ZBTB20: variants seen among roughly 807,000 people sequenced by gnomAD.
ZBTB20 encodes the protein zinc finger and BTB domain containing 20, also known as zinc finger and BTB domain-containing protein 20.
In ZBTB20, 9 loss-of-function variants were observed where a neutral mutation model predicts 56.9. The ratio of observed to expected loss-of-function variants is 0.16; its 90% CI spans 0.10 to 0.28. ZBTB20 has a LOEUF of 0.28. ZBTB20 is among the 10% of genes least tolerant of loss of function. The pLI is 1.00. For synonymous variants in ZBTB20, 417 were observed against 420.7 expected (o/e 0.99, Z 0.11); for missense variants, 655 against 1,003.0 (o/e 0.65, Z 4.69).
At chr3:114,761,909 T>C (rs2068473088) in intron 5 of ZBTB20, among the ~76,000 whole-genome samples, 3 of 151,868 alleles carry the variant, frequency 2.0e-5, no homozygotes, top group South Asian at 2.1e-4. Context: ...CCAGAATAGG[T>C]GTAAAATATA....
At chr3:114,884,552 G>T (rs1471966790) in intron 4 of ZBTB20, among the ~76,000 whole-genome samples, 2 of 152,124 alleles carry the variant, frequency 1.3e-5, no homozygotes, top group Non-Finnish European at 2.9e-5. Flanking sequence ...TTCAATCAAA[G>T]ATCATCAGTT....
chr3:114,957,627 T>A (rs2077292607), intron 3 of ZBTB20, among the ~76,000 whole-genome samples: 1 of 152,218 alleles, frequency 6.6e-6, no homozygotes, highest in South Asian at 2.1e-4. Flanking sequence ...CATGGCAGGA[T>A]TTAACATCAT....
chr3:114,743,984 G>A (rs749787485), intron 5 of ZBTB20, among the ~76,000 whole-genome samples: 1 of 152,170 alleles, frequency 6.6e-6, no homozygotes, highest in Non-Finnish European at 1.5e-5. Flanking sequence ...TTAGCTTGGA[G>A]TCAAAGAGAA....
intron 5 of ZBTB20, among the ~76,000 whole-genome samples, chr3:114,775,616 T>A (rs975099145): frequency 9.2e-5 from 14 of 152,072 alleles, no homozygotes; most frequent in Non-Finnish European, 1.2e-4. Context: ...GAGGACCCTC[T>A]GGGCTGCACA....
At chr3:114,930,489 T>C (rs958079539) in intron 3 of ZBTB20, 3 of 153,354 alleles carry the variant, frequency 2.0e-5, no homozygotes, top group African/African-American at 7.2e-5. Context: ...CCCGGCCTAG[T>C]TACAGTCACC....
intron 6 of ZBTB20, among the ~76,000 whole-genome samples, chr3:114,653,107 C>T (rs1174343128): frequency 6.6e-6 from 1 of 151,896 alleles, no homozygotes; most frequent in African/African-American, 2.4e-5. Flanking sequence ...TCTTCCTTTC[C>T]TATGCTTATA....
chr3:115,103,399 A>T (rs1307573429), intron 1 of ZBTB20, among the ~76,000 whole-genome samples: 1 of 152,206 alleles, frequency 6.6e-6, no homozygotes, highest in African/African-American at 2.4e-5. Context: ...CCAACATAAT[A>T]TTGAAAGAGA....
At chr3:114,439,722 G>C (rs1483806376) in intron 7 of ZBTB20, among the ~76,000 whole-genome samples, 1 of 152,112 alleles carries the variant, frequency 6.6e-6, no homozygotes, top group Non-Finnish European at 1.5e-5. Flanking sequence ...AGATGCCTAG[G>C]ATGTCTGTAC....
At chr3:114,477,669 A>T (rs1000028852) in intron 7 of ZBTB20, among the ~76,000 whole-genome samples, 5 of 151,258 alleles carry the variant, frequency 3.3e-5, no homozygotes, top group Non-Finnish European at 7.4e-5. Flanking sequence ...CTAATTTTGT[A>T]TTTTTAGTAG....
chr3:114,399,267 C>T (rs978001395), intron 7 of ZBTB20, among the ~76,000 whole-genome samples: 2 of 151,978 alleles, frequency 1.3e-5, no homozygotes, highest in South Asian at 2.1e-4. Context: ...TAGAGTATAA[C>T]CTGTGGAGTA....
chr3:114,452,694 T>C (rs1224144730), intron 7 of ZBTB20, among the ~76,000 whole-genome samples: 1 of 152,112 alleles, frequency 6.6e-6, no homozygotes, highest in East Asian at 1.9e-4. Context: ...ATATCTATAT[T>C]TTCCCCTACA....
intron 3 of ZBTB20, among the ~76,000 whole-genome samples, chr3:114,946,362 A>G (rs2107881601): frequency 6.9e-6 from 1 of 145,926 alleles, no homozygotes; most frequent in East Asian, 1.9e-4. Flanking sequence ...ACAAATAAGT[A>G]TTATAAAATA....
chr3:115,073,096 A>C (rs868491974), intron 1 of ZBTB20, among the ~76,000 whole-genome samples: 108 of 152,328 alleles, frequency 7.1e-4, no homozygotes, highest in Middle Eastern at 3.4e-3. Context: ...AAGAAACTGA[A>C]ATGAGAACTG....
chr3:114,946,231 G>C (rs1035357493), intron 3 of ZBTB20, among the ~76,000 whole-genome samples: 4 of 145,456 alleles, frequency 2.7e-5, no homozygotes, highest in African/African-American at 1.1e-4. Context: ...GGTGCACATA[G>C]AGCATGCACC....
chr3:114,950,212 T>G (rs976836368), intron 3 of ZBTB20, among the ~76,000 whole-genome samples: 1 of 152,180 alleles, frequency 6.6e-6, no homozygotes, highest in Admixed American at 6.5e-5. Flanking sequence ...TAGTACCCAA[T>G]CCTACAAATA....
chr3:114,893,635 C>G (rs150916829), intron 4 of ZBTB20, among the ~76,000 whole-genome samples: 1 of 151,974 alleles, frequency 6.6e-6, no homozygotes, highest in Non-Finnish European at 1.5e-5. Flanking sequence ...TGACTCTTCA[C>G]TCCATCCCCT....
At chr3:114,573,003 T>C (rs1201902693) in intron 6 of ZBTB20, among the ~76,000 whole-genome samples, 1 of 152,214 alleles carries the variant, frequency 6.6e-6, no homozygotes, top group Non-Finnish European at 1.5e-5. Flanking sequence ...ATGCTATTAT[T>C]AGATTTGCAT....
At chr3:114,399,098 C>G (rs1333494505) in intron 7 of ZBTB20, among the ~76,000 whole-genome samples, 1 of 152,160 alleles carries the variant, frequency 6.6e-6, no homozygotes, top group Non-Finnish European at 1.5e-5. Flanking sequence ...TGGGACTCAG[C>G]AGGTTCCCTA....
intron 3 of ZBTB20, among the ~76,000 whole-genome samples, chr3:114,909,274 A>T (rs183886825): frequency 1.3e-5 from 2 of 152,012 alleles, no homozygotes; most frequent in Admixed American, 6.6e-5. Flanking sequence ...TTAAAAAGTT[A>T]AAAAAAATTA....
Sources: allele counts gnomAD v4.1 joint callset (sites outside exome capture counted in the v4.1 genomes callset), GRCh38; gene constraint gnomAD v4.1.1; transcripts MANE v1.5; gene names NCBI Gene and HGNC (gene_info 2026-07-23, HGNC 2026-07-21).